Variants in SUCLG2 observed in about 807,000 individuals in gnomAD.
SUCLG2 encodes the protein succinate--CoA ligase [GDP-forming] subunit beta, mitochondrial.
A neutral mutation model predicts 47.9 loss-of-function variants in SUCLG2; 42 were observed. The ratio of observed to expected loss-of-function variants is 0.88; its 90% confidence interval spans 0.69 to 1.14. The LOEUF is 1.14. SUCLG2 is among the 50% of genes most tolerant of loss of function. The pLI, the probability that SUCLG2 is intolerant of heterozygous loss-of-function variation, is 0.00. For synonymous variants in SUCLG2, 195 were observed against 197.3 expected (o/e 0.99, Z 0.10); for missense variants, 571 against 525.9 (o/e 1.09, Z -0.84).
At chr3:67,390,652 G>GTTT (rs200231997) in intron 10 of SUCLG2, among the ~76,000 whole-genome samples, 362 of 145,200 alleles carry the variant, frequency 2.5e-3, no homozygotes, top group African/African-American at 8.4e-3. Flanking sequence ...TGAAATGAGG[G>GTTT]TTTTTTTTTT....
At chr3:67,589,126 T>G (rs1377321584) in intron 2 of SUCLG2, among the ~76,000 whole-genome samples, 1 of 152,228 alleles carries the variant, frequency 6.6e-6, no homozygotes, top group Non-Finnish European at 1.5e-5. Context: ...CCACTTGGAA[T>G]GCCCTTCCCT....
chr3:67,528,529 A>C (rs1706314928), intron 3 of SUCLG2, among the ~76,000 whole-genome samples: 1 of 152,242 alleles, frequency 6.6e-6, no homozygotes, highest in South Asian at 2.1e-4. Flanking sequence ...ATAAGGGTTG[A>C]CTGAAGATCC....
rs191179310 is a variant in SUCLG2, at chr3:67,473,918, C to T, written c.1062+21880G>A. On this transcript the variant is annotated intron_variant, in intron 9 of 10. Coordinates refer to ENST00000307227, the MANE Select transcript of SUCLG2 (RefSeq NM_003848.4). ...TGCTGTTATCCTTAGTGATGGAAAA[C>T]GGGTACAAGGTCAACATCATCTTCT... Among the ~76,000 whole-genome samples the T allele has an allele frequency of 1.0e-3, 159 of 152,214 alleles. 1 individual carries two copies. Among genetic ancestry groups the T allele is most frequent in the African/African-American group, 3.6e-3 (149 of 41,540 alleles).
At chr3:67,458,837 G>A (rs1358796372) in intron 9 of SUCLG2, among the ~76,000 whole-genome samples, 2 of 152,080 alleles carry the variant, frequency 1.3e-5, no homozygotes, top group African/African-American at 2.4e-5. Flanking sequence ...GGTCCTTTGA[G>A]TTTTTCAATT....
chr3:67,435,230 C>G (rs1288991276), intron 9 of SUCLG2, among the ~76,000 whole-genome samples: 2 of 152,080 alleles, frequency 1.3e-5, no homozygotes, highest in Non-Finnish European at 2.9e-5. Context: ...GATTTAGGCC[C>G]AAACAATATG....
chr3:67,391,991 G>A (rs1187223738), intron 10 of SUCLG2, among the ~76,000 whole-genome samples: 1 of 152,118 alleles, frequency 6.6e-6, no homozygotes, highest in Non-Finnish European at 1.5e-5. Context: ...TTGGAGACGT[G>A]GCTCTTGGAG....
chr3:67,395,359 C>T (rs1702499329), intron 10 of SUCLG2, among the ~76,000 whole-genome samples: 1 of 152,108 alleles, frequency 6.6e-6, no homozygotes, highest in Non-Finnish European at 1.5e-5. Context: ...CAGAAAAAGG[C>T]AGGGGTTGCA....
At chr3:67,646,871 G>A (rs1342055572) in intron 1 of SUCLG2, among the ~76,000 whole-genome samples, 1 of 152,060 alleles carries the variant, frequency 6.6e-6, no homozygotes, top group Non-Finnish European at 1.5e-5. Context: ...ACTATATCCA[G>A]AAAGAGTACT....
In SUCLG2 at chr3:67,385,309, GA is replaced by G. The variant is rs536313998; in HGVS notation, c.1184-9451del. Among the ~76,000 whole-genome samples the G allele has an allele frequency of 3.9e-5, 6 of 152,332 alleles. No individual in the cohort carries two copies. The South Asian group carries it at 1.2e-3, about 32-fold the overall frequency. On this transcript the variant is annotated intron_variant, in intron 10 of 10. Transcript: ENST00000307227. ...AACTTCAGGCTCTTGTTCCTGAAGG[GA>G]TGACCACTGCCTAGAGTGGGGCAGC...
chr3:67,615,238 C>T (rs78347306), intron 1 of SUCLG2, among the ~76,000 whole-genome samples: 13,468 of 143,394 alleles, frequency 0.094, 1,125 homozygotes, highest in African/African-American at 0.24. Context: ...AGCACAAAAC[C>T]AGACAGCTAC....
At chr3:67,388,947 C>T (rs1702316370) in intron 10 of SUCLG2, among the ~76,000 whole-genome samples, 1 of 152,048 alleles carries the variant, frequency 6.6e-6, no homozygotes, top group Non-Finnish European at 1.5e-5. Flanking sequence ...AAGTCATCAT[C>T]CATACCTGAG....
rs571790254 is a variant in SUCLG2 at position 67,612,769 on chromosome 3, C to G, written c.85-3173G>C. On this transcript the variant is annotated intron_variant, in intron 1 of 10. Transcript: ENST00000307227. ...CCCCCAGGTTAGAGGCTCAGTCCCA[C>G]AGGACTATACCCACTTGAGATGCCA... Among the ~76,000 whole-genome samples, 4 of 152,302 alleles carry G rather than the reference C, an allele frequency of 2.6e-5. No homozygotes were observed. The South Asian group carries it at 8.3e-4, about 32-fold the overall frequency.
chr3:67,447,148 A>G (rs1361308951), intron 9 of SUCLG2, among the ~76,000 whole-genome samples: 1 of 152,192 alleles, frequency 6.6e-6, no homozygotes, highest in Non-Finnish European at 1.5e-5. Flanking sequence ...TTCAAGGTCA[A>G]TAAAACTGAG....
At chr3:67,581,616 C>G (rs1399387873) in intron 2 of SUCLG2, among the ~76,000 whole-genome samples, 1 of 152,072 alleles carries the variant, frequency 6.6e-6, no homozygotes, top group African/African-American at 2.4e-5. Flanking sequence ...TTTTCAAGCT[C>G]AAAATCAAGT....
intron 7 of SUCLG2, 102 bp downstream of exon 7, chr3:67,508,705 A>G (rs1705706322): frequency 2.3e-6 from 2 of 871,240 alleles, no homozygotes; most frequent in South Asian, 3.8e-5. Context: ...TTACTGAAAG[A>G]AATTTATGCA....
intron 2 of SUCLG2, among the ~76,000 whole-genome samples, chr3:67,582,330 A>G (rs1488374751): frequency 1.3e-5 from 2 of 152,148 alleles, no homozygotes; most frequent in East Asian, 3.9e-4. Flanking sequence ...TATGTACTCA[A>G]TGTTTAGCTC....
chr3:67,600,816 C>T (rs758670417), intron 2 of SUCLG2, among the ~76,000 whole-genome samples: 53 of 152,068 alleles, frequency 3.5e-4, no homozygotes, highest in Non-Finnish European at 7.1e-4. Flanking sequence ...CTTTGGGAGC[C>T]ATGTGTGGAA....
intron 10 of SUCLG2, among the ~76,000 whole-genome samples, chr3:67,380,260 T>C (rs1252499776): frequency 1.3e-5 from 2 of 151,592 alleles, no homozygotes; most frequent in African/African-American, 4.9e-5. Context: ...CTGGCTGTGC[T>C]CACTGCCCTG....
chr3:67,576,820 C>T (rs1707754253), intron 2 of SUCLG2, among the ~76,000 whole-genome samples: 1 of 152,202 alleles, frequency 6.6e-6, no homozygotes, highest in Admixed American at 6.5e-5. Context: ...ACTACAGGTT[C>T]ACCTGATTCA....
Sources: gnomAD v4.1 joint callset for allele counts (sites outside exome capture counted in the v4.1 genomes callset) on GRCh38, gnomAD v4.1.1 for gene constraint, MANE v1.5 for transcripts, NCBI Gene and HGNC (gene_info 2026-07-23, HGNC 2026-07-21) for gene names.